PEBP4: variants seen among roughly 807,000 people sequenced by gnomAD.
The protein encoded by PEBP4 is phosphatidylethanolamine binding protein 4.
Under a neutral mutation model 23.9 loss-of-function variants are expected in PEBP4, and 22 were observed. The observed-to-expected ratio is 0.92, with a 90% CI of 0.66 to 1.31. The LOEUF (loss-of-function observed/expected upper bound fraction) is 1.31, where lower values mean the gene tolerates loss of function less well. PEBP4 is among the 40% of genes most tolerant of loss of function. The pLI is 0.00. For missense variants in PEBP4, 324 were observed against 281.7 expected, an observed-to-expected ratio of 1.15 and a Z score of -1.07; for synonymous variants, 112 against 99.3, an observed-to-expected ratio of 1.13 and a Z score of -0.76.
At chr8:22,776,511 CA>C (rs1283026879) in intron 4 of PEBP4, among the ~76,000 whole-genome samples, 2 of 152,000 alleles carry the variant, frequency 1.3e-5, no homozygotes, top group African/African-American at 4.8e-5. Flanking sequence ...TCTCAGCCTT[CA>C]AACCACTGGT....
chr8:22,792,581 T>G (rs1806161205), intron 4 of PEBP4, among the ~76,000 whole-genome samples: 1 of 152,202 alleles, frequency 6.6e-6, no homozygotes, highest in South Asian at 2.1e-4. Flanking sequence ...GAGCTCATCC[T>G]ACCTTCTGTG....
intron 4 of PEBP4, among the ~76,000 whole-genome samples, chr8:22,769,743 T>G (rs1231468013): frequency 6.6e-6 from 1 of 152,182 alleles, no homozygotes; most frequent in African/African-American, 2.4e-5. Context: ...ATGTCCCTTC[T>G]TTTTTTAAAA....
At chr8:22,904,830 T>C (rs1035952121) in intron 3 of PEBP4, among the ~76,000 whole-genome samples, 2 of 152,248 alleles carry the variant, frequency 1.3e-5, no homozygotes, top group Non-Finnish European at 2.9e-5. Flanking sequence ...AATGGCTATA[T>C]GGTACTTTTT....
chr8:22,913,272 T>G (rs1808986682), intron 3 of PEBP4, among the ~76,000 whole-genome samples: 1 of 152,146 alleles, frequency 6.6e-6, no homozygotes, highest in East Asian at 1.9e-4. Flanking sequence ...ACGATCCAGA[T>G]CCAGTGGCTC....
At chr8:22,877,543 G>A (rs116425281) in intron 3 of PEBP4, among the ~76,000 whole-genome samples, 1,974 of 152,270 alleles carry the variant, frequency 0.013, 40 homozygotes, top group African/African-American at 0.045. Context: ...TAGCTGGGAG[G>A]AGAGGAGGTG....
intron 4 of PEBP4, among the ~76,000 whole-genome samples, chr8:22,738,007 G>A (rs1002678927): frequency 3.9e-5 from 6 of 152,126 alleles, no homozygotes; most frequent in Admixed American, 1.3e-4. Flanking sequence ...TTGGAGCCCC[G>A]GGAGCCCATC....
chr8:22,921,047 G>T (rs1377883376), intron 2 of PEBP4, among the ~76,000 whole-genome samples: 1 of 152,260 alleles, frequency 6.6e-6, no homozygotes, highest in East Asian at 1.9e-4. Context: ...ATGATGCAGA[G>T]CAAGGCAACA....
At chr8:22,817,574 C>T (rs1443601122) in intron 4 of PEBP4, 63 bp downstream of exon 4, 37 of 1,478,388 alleles carry the variant, frequency 2.5e-5, no homozygotes, top group Middle Eastern at 1.7e-4. Context: ...GGGAACTGCA[C>T]TGAATGATAA....
intron 2 of PEBP4, among the ~76,000 whole-genome samples, chr8:22,922,872 G>T (rs558505841): frequency 6.6e-6 from 1 of 152,298 alleles, no homozygotes; most frequent in African/African-American, 2.4e-5. Context: ...AAGACTTGAA[G>T]GCACTCTAGA....
At chr8:22,930,873 G>C (rs1450908118), upstream of PEBP4, among the ~76,000 whole-genome samples, 1 of 152,130 alleles carries the variant, frequency 6.6e-6, no homozygotes, top group Non-Finnish European at 1.5e-5. Context: ...CCCATTGCTA[G>C]ATTTCTTGGT....
At chr8:22,753,551 C>T (rs1271588582) in intron 4 of PEBP4, among the ~76,000 whole-genome samples, 1 of 152,196 alleles carries the variant, frequency 6.6e-6, no homozygotes, top group Non-Finnish European at 1.5e-5. Context: ...CATGTGGACA[C>T]ATGATGCTGG....
At chr8:22,756,389 T>C (rs1275831337) in intron 4 of PEBP4, among the ~76,000 whole-genome samples, 3 of 152,214 alleles carry the variant, frequency 2.0e-5, no homozygotes, top group African/African-American at 7.2e-5. Context: ...GAGGCTGTTA[T>C]GTAACCGACT....
intron 3 of PEBP4, among the ~76,000 whole-genome samples, chr8:22,897,246 A>G (rs1220675066): frequency 6.6e-6 from 1 of 152,138 alleles, no homozygotes; most frequent in African/African-American, 2.4e-5. Flanking sequence ...CTATCATGCA[A>G]AGTCCCTGGG....
At chr8:22,857,844 C>T (rs1807687355) in intron 3 of PEBP4, among the ~76,000 whole-genome samples, 1 of 152,132 alleles carries the variant, frequency 6.6e-6, no homozygotes, top group Non-Finnish European at 1.5e-5. Context: ...TGGAGAAGAA[C>T]AGGGGGCAAG....
At chr8:22,731,899 TCTC>T (rs2128749421) in intron 4 of PEBP4, among the ~76,000 whole-genome samples, 1 of 151,846 alleles carries the variant, frequency 6.6e-6, no homozygotes, top group Non-Finnish European at 1.5e-5. Context: ...ATGGTCTTGA[TCTC>T]CTGATCTCGT....
chr8:22,860,172 A>ATG (rs1807740433), intron 3 of PEBP4, among the ~76,000 whole-genome samples: 1 of 106,114 alleles, frequency 9.4e-6, no homozygotes, highest in Non-Finnish European at 2.0e-5. Flanking sequence ...ATATATGTAT[A>ATG]TATATATACA....
intron 4 of PEBP4, among the ~76,000 whole-genome samples, chr8:22,772,337 T>G (rs1000770259): frequency 6.6e-5 from 10 of 152,190 alleles, no homozygotes; most frequent in Admixed American, 3.9e-4. Flanking sequence ...ATTCTGCATA[T>G]GCAAAGGCAT....
chr8:22,846,524 G>C (rs1478138925), intron 3 of PEBP4, among the ~76,000 whole-genome samples: 1 of 152,202 alleles, frequency 6.6e-6, no homozygotes, highest in Non-Finnish European at 1.5e-5. Flanking sequence ...TGCTGAGCCT[G>C]TGATAACTGA....
intron 3 of PEBP4, among the ~76,000 whole-genome samples, chr8:22,871,659 A>C (rs1333539045): frequency 6.7e-6 from 1 of 148,334 alleles, no homozygotes; most frequent in Non-Finnish European, 1.5e-5. Flanking sequence ...GGTTCAAGCT[A>C]TTCTCCTGCC....
Sources: allele counts gnomAD v4.1 joint callset (sites outside exome capture counted in the v4.1 genomes callset), GRCh38; gene constraint gnomAD v4.1.1; transcripts MANE v1.5; gene names NCBI Gene and HGNC (gene_info 2026-07-23, HGNC 2026-07-21).